Variants in ZNF423 observed in about 807,000 individuals in gnomAD.
The protein encoded by ZNF423 is zinc finger protein 423, also known as Ebf-associated zinc finger protein.
A neutral mutation model predicts 95.8 loss-of-function variants in ZNF423; 12 were observed. The ratio of observed to expected loss-of-function variants is 0.13; its 90% CI spans 0.08 to 0.20. The LOEUF is 0.20. Among genes scored for constraint, ZNF423 ranks in the 10% least tolerant of loss-of-function variants. ZNF423 has a pLI of 1.00. For synonymous variants in ZNF423, 749 were observed against 711.9 expected (o/e 1.05, Z -0.83); for missense variants, 1,316 against 1,737.1 (o/e 0.76, Z 4.31).
chr16:49,537,976 G>T (rs1969112833), intron 5 of ZNF423, among the ~76,000 whole-genome samples: 1 of 152,200 alleles, frequency 6.6e-6, no homozygotes. Flanking sequence ...AGCTCCCAGA[G>T]CCCAGCCAGC....
At chr16:49,582,651 G>A (rs1970708544) in intron 5 of ZNF423, among the ~76,000 whole-genome samples, 1 of 152,242 alleles carries the variant, frequency 6.6e-6, no homozygotes, top group East Asian at 1.9e-4. Flanking sequence ...AATAAGAGTG[G>A]TAGGTGGCTT....
At chr16:49,719,115 C>T (rs1469875494) in intron 3 of ZNF423, among the ~76,000 whole-genome samples, 2 of 152,178 alleles carry the variant, frequency 1.3e-5, no homozygotes, top group Non-Finnish European at 2.9e-5. Context: ...TTATGCCCAA[C>T]AGAATCCAGA....
At chr16:49,508,564 T>C (rs1254255572) in intron 7 of ZNF423, among the ~76,000 whole-genome samples, 1 of 143,238 alleles carries the variant, frequency 7.0e-6, no homozygotes, top group East Asian at 2.1e-4. Flanking sequence ...GAGAACCCTC[T>C]AAAAGTTCCA....
intron 7 of ZNF423, among the ~76,000 whole-genome samples, chr16:49,516,052 G>A (rs562207644): frequency 1.3e-5 from 2 of 152,320 alleles, no homozygotes; most frequent in South Asian, 2.1e-4. Context: ...CCTCCACGGC[G>A]CCCGGACGTG....
chr16:49,687,766 C>T (rs2031620272), intron 3 of ZNF423, among the ~76,000 whole-genome samples: 1 of 152,210 alleles, frequency 6.6e-6, no homozygotes, highest in Non-Finnish European at 1.5e-5. Flanking sequence ...TTTCCACAGC[C>T]AGCACCAGTT....
intron 5 of ZNF423, among the ~76,000 whole-genome samples, chr16:49,539,455 G>C (rs1969173196): frequency 6.6e-6 from 1 of 152,188 alleles, no homozygotes; most frequent in African/African-American, 2.4e-5. Flanking sequence ...CAGCCTCGGA[G>C]TCAGATTGCA....
chr16:49,840,248 C>T (rs1370942297), intron 1 of ZNF423, among the ~76,000 whole-genome samples: 9 of 152,044 alleles, frequency 5.9e-5, no homozygotes, highest in South Asian at 2.1e-4. Flanking sequence ...TCCGAGAAGC[C>T]GTGAAGTTTT....
chr16:49,809,815 G>A (rs945626949), intron 1 of ZNF423, among the ~76,000 whole-genome samples: 1 of 152,184 alleles, frequency 6.6e-6, no homozygotes, highest in Non-Finnish European at 1.5e-5. Flanking sequence ...AAAGACACCA[G>A]GGGGTCTGGG....
intron 6 of ZNF423, among the ~76,000 whole-genome samples, chr16:49,524,335 T>C (rs959721478): frequency 1.3e-5 from 2 of 152,180 alleles, no homozygotes; most frequent in Non-Finnish European, 2.9e-5. Context: ...CAAATTCCTA[T>C]TTTTATTGTT....
intron 1 of ZNF423, chr16:49,854,410 T>C (rs2035334779): frequency 1.0e-6 from 1 of 985,374 alleles, no homozygotes; most frequent in Middle Eastern, 5.2e-4. Flanking sequence ...TTCCAGCCAT[T>C]CCAGCCAGGC....
intron 1 of ZNF423, among the ~76,000 whole-genome samples, chr16:49,802,794 C>A (rs1276470811): frequency 6.6e-6 from 1 of 152,176 alleles, no homozygotes; most frequent in African/African-American, 2.4e-5. Context: ...CATAAGTAAT[C>A]CATGTACAAC....
At chr16:49,659,735 C>T (rs990896995) in intron 3 of ZNF423, among the ~76,000 whole-genome samples, 13 of 152,212 alleles carry the variant, frequency 8.5e-5, no homozygotes, top group African/African-American at 2.7e-4. Context: ...AGGTGCCCAC[C>T]GCTGCAGGCA....
chr16:49,671,365 C>T (rs948453262), intron 3 of ZNF423, among the ~76,000 whole-genome samples: 3 of 152,218 alleles, frequency 2.0e-5, no homozygotes, highest in African/African-American at 7.2e-5. Context: ...GGCCCTGGGT[C>T]CTGTAGCCCA....
intron 2 of ZNF423, among the ~76,000 whole-genome samples, chr16:49,776,844 A>C (rs1047537279): frequency 6.6e-6 from 1 of 152,230 alleles, no homozygotes; most frequent in Non-Finnish European, 1.5e-5. Context: ...AAAACAGAGC[A>C]AGGAGACAAT....
At chr16:49,512,457 G>A (rs561629867) in intron 7 of ZNF423, among the ~76,000 whole-genome samples, 3 of 152,322 alleles carry the variant, frequency 2.0e-5, no homozygotes, top group African/African-American at 7.2e-5. Flanking sequence ...AGAGAATGCC[G>A]GTGACTTGCT....
At chr16:49,587,092 G>A (rs551633747) in intron 5 of ZNF423, among the ~76,000 whole-genome samples, 41 of 152,202 alleles carry the variant, frequency 2.7e-4, no homozygotes, top group Non-Finnish European at 5.0e-4. Flanking sequence ...GAGAGGGAAA[G>A]ACCGATTTTC....
intron 3 of ZNF423, among the ~76,000 whole-genome samples, chr16:49,706,341 A>G (rs1181338092): frequency 9.2e-5 from 14 of 152,242 alleles, no homozygotes; most frequent in Non-Finnish European, 1.5e-4. Flanking sequence ...AGAGCCTTCA[A>G]GTTCTCACCT....
At chr16:49,808,378 C>T (rs1001625337) in intron 1 of ZNF423, among the ~76,000 whole-genome samples, 5 of 151,948 alleles carry the variant, frequency 3.3e-5, no homozygotes, top group Non-Finnish European at 5.9e-5. Context: ...TTCTAATAGA[C>T]AATAAAATAA....
At chr16:49,749,919 C>A (rs1242634385) in intron 2 of ZNF423, among the ~76,000 whole-genome samples, 1 of 152,208 alleles carries the variant, frequency 6.6e-6, no homozygotes, top group Non-Finnish European at 1.5e-5. Flanking sequence ...TCTGGAGGTG[C>A]AATTCAGGGG....
Sources: gnomAD v4.1 joint callset for allele counts (sites outside exome capture counted in the v4.1 genomes callset) on GRCh38, gnomAD v4.1.1 for gene constraint, MANE v1.5 for transcripts, NCBI Gene and HGNC (gene_info 2026-07-23, HGNC 2026-07-21) for gene names.